SLC7A9: variants seen among roughly 807,000 people sequenced by gnomAD.
SLC7A9 encodes B(0,+)-type amino acid transporter 1.
A neutral mutation model predicts 54.1 loss-of-function variants in SLC7A9; 38 were observed. The ratio of observed to expected loss-of-function variants is 0.70; its 90% CI spans 0.54 to 0.92. The LOEUF (loss-of-function observed/expected upper bound fraction) is 0.92. Among genes scored for constraint, SLC7A9 ranks in the 40% least tolerant of loss-of-function variants. SLC7A9 has a pLI of 0.00. For missense variants in SLC7A9, 537 were observed against 636.1 expected (o/e 0.84, Z 1.68); for synonymous variants, 264 against 258.9 (o/e 1.02, Z -0.19).
intron 9 of SLC7A9, among the ~76,000 whole-genome samples, chr19:32,849,296 AG>A (rs1968394223): frequency 6.6e-6 from 1 of 152,208 alleles, no homozygotes; most frequent in East Asian, 1.9e-4. Context: ...AGCAAGACAA[AG>A]AAGAAAAGAG....
intron 5 of SLC7A9, 79 bp downstream of exon 5, chr19:32,862,382 G>C: frequency 6.3e-7 from 1 of 1,589,482 alleles, no homozygotes; most frequent in Admixed American, 1.7e-5. Flanking sequence ...AGATGGGCTC[G>C]TGGGGCAAGG....
intron 9 of SLC7A9, among the ~76,000 whole-genome samples, chr19:32,858,129 G>A (rs960205598): frequency 2.4e-4 from 37 of 152,170 alleles, no homozygotes; most frequent in African/African-American, 5.3e-4. Context: ...TCATTCACGC[G>A]GTGTCGCTTC....
rs1969048962 is a variant in SLC7A9 at position 32,868,602 on chromosome 19, AGAC to A, written c.-71_-69del. 3.7e-6 allele frequency: 5 copies of A among 1,364,578 alleles called. No individual in the cohort carries two copies. The Admixed American group carries it at 6.7e-5, about 18-fold the overall frequency. The allele number at this position is 1,364,578 out of a possible 1,614,324, so 84.5% of individuals were successfully genotyped here. ...AGCTAAATCTTGGTTCAGCAGCAGC[AGAC>A]AAGACGCAAGTGCAAGCTCGGCCTG... On this transcript the variant is annotated 5_prime_UTR_variant, in exon 2 of 13. Transcript: ENST00000023064.
intron 7 of SLC7A9, 133 bp downstream of exon 7, chr19:32,860,470 CAAA>C (rs5827823): frequency 6.9e-4 from 928 of 1,349,760 alleles, no homozygotes; most frequent in South Asian, 1.2e-3. Flanking sequence ...GACTCTGTCT[CAAA>C]AAAAAAAAAA....
chr19:32,865,900 G>A (rs550893704), intron 2 of SLC7A9, among the ~76,000 whole-genome samples: 184 of 149,658 alleles, frequency 1.2e-3, no homozygotes, highest in South Asian at 4.0e-3. Flanking sequence ...AACCCATGAG[G>A]CAGAGGTTGC....
At chr19:32,864,046 C>A (rs1968885108) in intron 4 of SLC7A9, 50 bp downstream of exon 4, 10 of 1,612,274 alleles carry the variant, frequency 6.2e-6, no homozygotes, top group Non-Finnish European at 8.5e-6. Flanking sequence ...TCCCCAGACA[C>A]CCTCTGTGCC....
intron 2 of SLC7A9, among the ~76,000 whole-genome samples, chr19:32,866,231 G>A (rs367608015): frequency 9.2e-5 from 14 of 152,122 alleles, no homozygotes; most frequent in East Asian, 1.9e-4. Context: ...GGGGAGCAGC[G>A]TCTGCTTTCA....
intron 8 of SLC7A9, among the ~76,000 whole-genome samples, chr19:32,859,410 T>C (rs563306212): frequency 6.6e-6 from 1 of 152,112 alleles, no homozygotes; most frequent in South Asian, 2.1e-4. Context: ...CCAAACTGCG[T>C]CTCCTCCACC....
chr19:32,858,768 C>CTTTATTTATTTAATTTA (rs1968705256), intron 8 of SLC7A9, among the ~76,000 whole-genome samples: 1 of 148,534 alleles, frequency 6.7e-6, no homozygotes, highest in Admixed American at 6.7e-5. Flanking sequence ...TGGCATAAAT[C>CTTTATTTATTTAATTTA]TTTATTTATT....
At chr19:32,833,852 A>G (rs1967879526) in intron 11 of SLC7A9, among the ~76,000 whole-genome samples, 1 of 152,138 alleles carries the variant, frequency 6.6e-6, no homozygotes, top group Admixed American at 6.6e-5. Flanking sequence ...TCCACTGATG[A>G]TCGTTGCCTT....
chr19:32,863,903 C>T (rs1430390003), intron 4 of SLC7A9, among the ~76,000 whole-genome samples, 193 bp downstream of exon 4: 2 of 152,190 alleles, frequency 1.3e-5, no homozygotes, highest in Non-Finnish European at 2.9e-5. Context: ...GGACAGCCAG[C>T]GGCACCCCTC....
chr19:32,860,223 A>T, intron 7 of SLC7A9: 1 of 1,427,902 alleles, frequency 7.0e-7, no homozygotes, highest in South Asian at 1.4e-5. Flanking sequence ...CTCTGTCCCA[A>T]ACCAAACCAA....
In SLC7A9 at chr19:32,842,174, A is replaced by G. The variant is rs961432910; in HGVS notation, c.1218T>C (p.Pro406=). 21 of 1,614,204 alleles carry G rather than the reference A, an allele frequency of 1.3e-5. No homozygotes were observed. Among genetic ancestry groups the G allele is most frequent in the Non-Finnish European group, 1.7e-5 (20 of 1,180,018 alleles). The change falls in exon 11 of 13, where the codon CCT becomes CCC. Residue 406 remains proline, a synonymous_variant. Coordinates refer to ENST00000023064, the MANE Select transcript of SLC7A9 (RefSeq NM_014270.5). ...MRFTRKELER[P]IKVPVVIPVL... is the part of the protein sequence containing the mutation. ...TCTGGGGCTGCAAGCTTACCTTGAT[A>G]GGCCTTTCCAGCTCTTTCCTTGTAA...
At chr19:32,859,321 C>A (rs972011783) in intron 8 of SLC7A9, among the ~76,000 whole-genome samples, 2 of 151,954 alleles carry the variant, frequency 1.3e-5, no homozygotes, top group South Asian at 2.1e-4. Context: ...CCCTGAACCC[C>A]CACTCCAACC....
intron 2 of SLC7A9, among the ~76,000 whole-genome samples, chr19:32,868,214 G>C (rs1269478413): frequency 8.0e-6 from 1 of 125,712 alleles, no homozygotes; most frequent in Non-Finnish European, 1.6e-5. Flanking sequence ...CTGGGTGACA[G>C]AGCAACACTC....
chr19:32,860,174 AAAGG>A (rs1459984885), intron 7 of SLC7A9: 4 of 1,504,120 alleles, frequency 2.7e-6, no homozygotes, highest in South Asian at 1.2e-5. Flanking sequence ...AGCCAGAGAT[AAAGG>A]AAGACCAAGC....
At position 32,859,875 on chromosome 19, in the gene SLC7A9, G is replaced by C; in HGVS notation, c.839C>G (p.Ala280Gly). The change falls in exon 8 of 13, where the codon GCC becomes GGC. Residue 280 changes from alanine (A) to glycine (G), a missense_variant. By Grantham distance (60) the Ala-to-Gly change is moderately conservative. Transcript: ENST00000023064. Reference protein sequence around the residue: ...MNVSYFTVMTATELLQSQAVA... With the variant: ...MNVSYFTVMTGTELLQSQAVA... ...CGCCTGGGACTGCAGGAGTTCGGTG[G>C]CAGTCATCACGGTGAAGTAGGACAC... The C allele has an allele frequency of 6.2e-7, 1 of 1,614,174 alleles. No homozygotes were observed. The highest frequency in any genetic ancestry group is 8.5e-7 in the Non-Finnish European group (1 of 1,180,016).
chr19:32,846,086 G>A (rs534539741), intron 9 of SLC7A9, among the ~76,000 whole-genome samples: 27 of 152,284 alleles, frequency 1.8e-4, no homozygotes, highest in Non-Finnish European at 1.8e-4. Flanking sequence ...AGCTCCCAGC[G>A]TGAGCAACGC....
Position 32,830,651 on chromosome 19 carries a change from T to TC in SLC7A9, c.1432dup (p.Glu478GlyfsTer10). 1 of 1,614,062 alleles carries TC rather than the reference T, an allele frequency of 6.2e-7. No individual in the cohort carries two copies. The highest frequency in any genetic ancestry group is 2.2e-5 in the East Asian group (1 of 44,878). Reference sequence around the variant, plus strand: ...AGGGTCTTCCTCCGGTGGGACCACTTCCATTAGCATCTGAAGGTGCATGGT... The same window carrying TC: ...AGGGTCTTCCTCCGGTGGGACCACTTCCCATTAGCATCTGAAGGTGCATGGT... On this transcript the variant is annotated frameshift_variant, in exon 13 of 13. Coordinates refer to ENST00000023064, the MANE Select transcript of SLC7A9 (RefSeq NM_014270.5). LOFTEE classifies it high-confidence loss of function.
Sources: allele counts gnomAD v4.1 joint callset (sites outside exome capture counted in the v4.1 genomes callset), GRCh38; gene constraint gnomAD v4.1.1; transcripts MANE v1.5; gene names NCBI Gene and HGNC (gene_info 2026-07-23, HGNC 2026-07-21).